The following MLLT10 variants were observed in gnomAD, a reference collection of about 807,000 sequenced individuals.
MLLT10 encodes the protein MLLT10 histone lysine methyltransferase DOT1L cofactor.
Under a neutral mutation model 129.1 loss-of-function variants are expected in MLLT10, and 30 were observed. The observed-to-expected ratio is 0.23, with a 90% confidence interval of 0.17 to 0.32. The LOEUF (loss-of-function observed/expected upper bound fraction) is 0.32, where lower values mean the gene tolerates loss of function less well. Ranked by LOEUF, MLLT10 falls within the 10% of genes least tolerant of loss-of-function variation. MLLT10 has a pLI of 1.00. For synonymous variants in MLLT10, 490 were observed against 446.4 expected (o/e 1.10, Z -1.23); for missense variants, 1,119 against 1,268.3 (o/e 0.88, Z 1.79).
At chr10:21,580,964 G>A (rs1233948802) in intron 3 of MLLT10, among the ~76,000 whole-genome samples, 3 of 147,860 alleles carry the variant, frequency 2.0e-5, no homozygotes, top group African/African-American at 7.5e-5. Context: ...TGCCTGCATT[G>A]GCTTCCCAAA....
At chr10:21,740,833 C>T (rs535067419) in intron 22 of MLLT10, among the ~76,000 whole-genome samples, 9 of 152,274 alleles carry the variant, frequency 5.9e-5, no homozygotes, top group African/African-American at 2.2e-4. Flanking sequence ...CATTTTAAGG[C>T]CGTTTCGATT....
chr10:21,580,008 T>G (rs1260972822), intron 3 of MLLT10, among the ~76,000 whole-genome samples: 1 of 151,822 alleles, frequency 6.6e-6, no homozygotes, highest in Non-Finnish European at 1.5e-5. Flanking sequence ...TTTTTTTGTT[T>G]TGTTTTTTCT....
At chr10:21,702,134 C>G (rs1416611356) in intron 13 of MLLT10, among the ~76,000 whole-genome samples, 1 of 149,662 alleles carries the variant, frequency 6.7e-6, no homozygotes, top group Non-Finnish European at 1.5e-5. Context: ...ACCATGTTGG[C>G]CAGGATGATC....
chr10:21,636,641 C>G (rs2047493479), intron 8 of MLLT10, among the ~76,000 whole-genome samples: 1 of 151,284 alleles, frequency 6.6e-6, no homozygotes, highest in Non-Finnish European at 1.5e-5. Flanking sequence ...GTGGTGCGAT[C>G]TTAGCTCACT....
At chr10:21,740,934 A>G (rs938971885) in intron 22 of MLLT10, among the ~76,000 whole-genome samples, 1 of 152,208 alleles carries the variant, frequency 6.6e-6, no homozygotes, top group Non-Finnish European at 1.5e-5. Flanking sequence ...GAGGAAGGCT[A>G]TGGGGATGTA....
intron 8 of MLLT10, among the ~76,000 whole-genome samples, chr10:21,622,555 A>G (rs942727569): frequency 2.0e-5 from 3 of 152,196 alleles, no homozygotes; most frequent in Non-Finnish European, 4.4e-5. Context: ...AGCTGTGCCT[A>G]TCAGGATTAA....
At chr10:21,664,944 CTTTTTTTTT>C (rs146373535) in intron 9 of MLLT10, among the ~76,000 whole-genome samples, 3 of 119,404 alleles carry the variant, frequency 2.5e-5, no homozygotes, top group South Asian at 2.7e-4. Context: ...TTTTTCTTTT[CTTTTTTTTT>C]TTTTTTTTTT....
chr10:21,707,189 A>AT (rs1199544245), intron 13 of MLLT10, among the ~76,000 whole-genome samples: 7,101 of 122,468 alleles, frequency 0.058, 432 homozygotes, highest in African/African-American at 0.13. Flanking sequence ...AGTTTAGATG[A>AT]TTTTTTTTTT....
intron 10 of MLLT10, among the ~76,000 whole-genome samples, chr10:21,672,871 A>T (rs978969235): frequency 6.6e-6 from 1 of 152,212 alleles, no homozygotes; most frequent in Non-Finnish European, 1.5e-5. Context: ...CTTATTGTAT[A>T]TTGGGAACAT....
chr10:21,644,434 A>C (rs1352720131), intron 8 of MLLT10, among the ~76,000 whole-genome samples: 4 of 152,086 alleles, frequency 2.6e-5, no homozygotes, highest in African/African-American at 9.7e-5. Context: ...TGTGGGAATG[A>C]GGGGTGCAGT....
intron 3 of MLLT10, among the ~76,000 whole-genome samples, chr10:21,554,194 TA>T (rs1008629632): frequency 3.9e-5 from 6 of 152,210 alleles, no homozygotes; most frequent in East Asian, 1.9e-4. Flanking sequence ...TTTCTGTATT[TA>T]AAAAAAATTT....
At chr10:21,622,368 A>G (rs540195984) in intron 8 of MLLT10, among the ~76,000 whole-genome samples, 57 of 144,924 alleles carry the variant, frequency 3.9e-4, no homozygotes, top group African/African-American at 1.3e-3. Context: ...AGGTCTCCCT[A>G]TGTTGCCTAG....
chr10:21,567,553 A>G (rs1338886967), intron 3 of MLLT10, among the ~76,000 whole-genome samples: 39 of 152,166 alleles, frequency 2.6e-4, no homozygotes. Flanking sequence ...GTGGATGCTC[A>G]TTAACTAGCC....
chr10:21,589,350 A>G (rs1405785713), intron 4 of MLLT10, among the ~76,000 whole-genome samples: 5 of 147,238 alleles, frequency 3.4e-5, no homozygotes, highest in Non-Finnish European at 6.0e-5. Context: ...TTTAAGTGAC[A>G]GGTTTTCATT....
Position 21,574,685 on chromosome 10 carries a change from C to T in MLLT10, c.241-11609C>T, listed in dbSNP as rs578101052. Among the ~76,000 whole-genome samples the T allele has an allele frequency of 1.4e-4, 21 of 152,244 alleles. No individual in the cohort carries two copies. In the South Asian group the frequency reaches 4.4e-3, roughly 32 times the overall value. The stretch of plus-strand genomic sequence containing the variant: ...GCAATTCCCAGAACTAGTGGTTCCT[C>T]CCCTTTTTAGACTATATAGGGTAAC... On this transcript the variant is annotated intron_variant, in intron 3 of 22. Transcript: ENST00000307729.
At chr10:21,640,455 G>C (rs1203476219) in intron 8 of MLLT10, among the ~76,000 whole-genome samples, 1 of 151,350 alleles carries the variant, frequency 6.6e-6, no homozygotes, top group Non-Finnish European at 1.5e-5. Context: ...TGCAACTTCT[G>C]GGTCAAGAGA....
intron 3 of MLLT10, among the ~76,000 whole-genome samples, chr10:21,585,221 G>A (rs2041884557): frequency 6.6e-6 from 1 of 152,084 alleles, no homozygotes; most frequent in South Asian, 2.1e-4. Flanking sequence ...ACTGTGCCCG[G>A]CCTATATTAC....
chr10:21,543,400 C>T (rs554706406), intron 3 of MLLT10, among the ~76,000 whole-genome samples: 3 of 151,980 alleles, frequency 2.0e-5, no homozygotes, highest in East Asian at 1.9e-4. Flanking sequence ...GGTTTACAGG[C>T]GTGAGCCATG....
At chr10:21,604,443 A>T (rs970283506) in intron 5 of MLLT10, among the ~76,000 whole-genome samples, 5 of 152,136 alleles carry the variant, frequency 3.3e-5, no homozygotes, top group Admixed American at 3.3e-4. Context: ...TGCAAAAATT[A>T]GCGAGGTGTA....
Sources: allele counts gnomAD v4.1 joint callset (sites outside exome capture counted in the v4.1 genomes callset), GRCh38; gene constraint gnomAD v4.1.1; transcripts MANE v1.5; gene names NCBI Gene and HGNC (gene_info 2026-07-23, HGNC 2026-07-21).